Variants in RANBP2 observed in about 807,000 individuals in gnomAD.
RANBP2 encodes the protein E3 SUMO-protein ligase RanBP2.
A neutral mutation model predicts 303.6 loss-of-function variants in RANBP2; 57 were observed. The ratio of observed to expected loss-of-function variants is 0.19; its 90% CI spans 0.15 to 0.23. The LOEUF (loss-of-function observed/expected upper bound fraction) is 0.23, where lower values mean the gene tolerates loss of function less well. Among genes scored for constraint, RANBP2 ranks in the 10% least tolerant of loss-of-function variants. The pLI, the probability that RANBP2 is intolerant of heterozygous loss-of-function variation, is 1.00. For missense variants in RANBP2, 3,138 were observed against 3,780.8 expected, an observed-to-expected ratio of 0.83 and a Z score of 4.46; for synonymous variants, 1,167 against 1,301.5, an observed-to-expected ratio of 0.90 and a Z score of 2.23.
the RANBP2 span, among the ~76,000 whole-genome samples, chr2:109,510,432 C>T: frequency 2.0e-5 from 3 of 152,178 alleles, no homozygotes; most frequent in Admixed American, 6.5e-5. Flanking sequence ...CAGACAGCCC[C>T]GAGGGTCCTT....
At chr2:108,868,014 A>G in the RANBP2 span, among the ~76,000 whole-genome samples, 2 of 152,214 alleles carry the variant, frequency 1.3e-5, no homozygotes, top group Admixed American at 1.3e-4. Context: ...TGAGCATTTA[A>G]ACTGGAAAAA....
chr2:109,604,261 T>C, the RANBP2 span, among the ~76,000 whole-genome samples: 3 of 148,546 alleles, frequency 2.0e-5, no homozygotes, highest in East Asian at 4.0e-4. Context: ...GGAGAATTGC[T>C]TGAACCTAGG....
the RANBP2 span, chr2:108,791,802 G>T: frequency 1.3e-6 from 2 of 1,576,692 alleles, no homozygotes; most frequent in Non-Finnish European, 1.7e-6. Flanking sequence ...AATAGAAAAA[G>T]GTAAAATAAA....
chr2:108,773,784 C>G (rs1202683526), intron 23 of RANBP2, among the ~76,000 whole-genome samples: 15 of 151,948 alleles, frequency 9.9e-5, no homozygotes, highest in Admixed American at 9.2e-4. Context: ...GCAGCTGGGA[C>G]TACAGGCATG....
the RANBP2 span, among the ~76,000 whole-genome samples, chr2:109,263,735 G>A: frequency 1.4e-4 from 21 of 152,330 alleles, no homozygotes; most frequent in East Asian, 1.7e-3. Context: ...GGGAGGCCGA[G>A]GTGGGCAGAT....
chr2:109,115,887 T>C, the RANBP2 span, among the ~76,000 whole-genome samples: 1 of 152,244 alleles, frequency 6.6e-6, no homozygotes, highest in Non-Finnish European at 1.5e-5. Flanking sequence ...CCTTCATTTA[T>C]GAAGCTTAGT....
At chr2:109,453,696 C>T in the RANBP2 span, among the ~76,000 whole-genome samples, 1 of 152,334 alleles carries the variant, frequency 6.6e-6, no homozygotes, top group East Asian at 1.9e-4. Flanking sequence ...GAAAGGTCAA[C>T]CCTGGCCTGG....
At chr2:109,325,622 C>T in the RANBP2 span, among the ~76,000 whole-genome samples, 1 of 152,154 alleles carries the variant, frequency 6.6e-6, no homozygotes, top group Non-Finnish European at 1.5e-5. Context: ...ACTCACTCAC[C>T]ACTTCCCAAA....
chr2:109,388,202 T>G, the RANBP2 span, among the ~76,000 whole-genome samples: 3 of 152,198 alleles, frequency 2.0e-5, no homozygotes, highest in Non-Finnish European at 4.4e-5. Flanking sequence ...TATGGTTATG[T>G]CCTGTCTGTA....
chr2:109,454,527 G>C, the RANBP2 span, among the ~76,000 whole-genome samples: 3 of 152,190 alleles, frequency 2.0e-5, no homozygotes, highest in African/African-American at 7.2e-5. Flanking sequence ...GAGCGCTCCC[G>C]CCGGCTGCCT....
chr2:108,849,620 A>G, the RANBP2 span, among the ~76,000 whole-genome samples: 1 of 152,174 alleles, frequency 6.6e-6, no homozygotes, highest in African/African-American at 2.4e-5. Flanking sequence ...CCTGCCTAAC[A>G]GATACCCTTT....
At chr2:109,033,439 T>C in the RANBP2 span, among the ~76,000 whole-genome samples, 24 of 152,216 alleles carry the variant, frequency 1.6e-4, no homozygotes, top group African/African-American at 5.8e-4. Flanking sequence ...ATGACAAGTA[T>C]TGCCAAGGAA....
At chr2:109,099,234 C>T in the RANBP2 span, among the ~76,000 whole-genome samples, 28 of 152,140 alleles carry the variant, frequency 1.8e-4, no homozygotes, top group Non-Finnish European at 3.5e-4. Flanking sequence ...TCACTTTGGG[C>T]GGAGACTTAA....
At chr2:109,371,744 G>A in the RANBP2 span, 18 of 1,435,986 alleles carry the variant, frequency 1.3e-5, no homozygotes, top group Non-Finnish European at 1.6e-5. Context: ...CACTACAGTG[G>A]GGTCACCTGA....
chr2:108,740,358 A>G (rs1322141143), intron 6 of RANBP2, 131 bp from the exon 7 acceptor site: 8 of 1,395,486 alleles, frequency 5.7e-6, no homozygotes, highest in African/African-American at 4.3e-5. Flanking sequence ...AACATGGGGA[A>G]TAAGAATTAT....
the RANBP2 span, among the ~76,000 whole-genome samples, chr2:109,633,842 C>T: frequency 6.6e-6 from 1 of 151,802 alleles, no homozygotes; most frequent in African/African-American, 2.4e-5. Context: ...AAAAAGTCAG[C>T]CTGGCGCAAT....
intron 15 of RANBP2, among the ~76,000 whole-genome samples, chr2:108,754,489 G>T (rs1291278312): frequency 6.7e-6 from 1 of 149,910 alleles, no homozygotes; most frequent in African/African-American, 2.5e-5. Flanking sequence ...GATTTATGTT[G>T]TCTGGTGTAT....
chr2:109,296,660 C>G, the RANBP2 span, among the ~76,000 whole-genome samples: 1 of 152,138 alleles, frequency 6.6e-6, no homozygotes, highest in Non-Finnish European at 1.5e-5. Context: ...TGTTCTTGCT[C>G]CCTTTGCTCC....
At chr2:109,520,965 C>T in the RANBP2 span, among the ~76,000 whole-genome samples, 2 of 150,720 alleles carry the variant, frequency 1.3e-5, no homozygotes, top group African/African-American at 2.4e-5. Context: ...CGCGGTGGCT[C>T]ACGCTTGTAA....
Sources: gnomAD v4.1 joint callset for allele counts (sites outside exome capture counted in the v4.1 genomes callset) on GRCh38, gnomAD v4.1.1 for gene constraint, MANE v1.5 for transcripts, NCBI Gene and HGNC (gene_info 2026-07-23, HGNC 2026-07-21) for gene names.